APC: variants seen among roughly 807,000 people sequenced by gnomAD.
APC encodes the protein adenomatous polyposis coli protein.
Under a neutral mutation model 247.0 loss-of-function variants are expected in APC, and 72 were observed. The observed-to-expected ratio is 0.29, with a 90% CI of 0.24 to 0.35. APC has a LOEUF of 0.35. Among genes scored for constraint, APC ranks in the 10% least tolerant of loss-of-function variants. The pLI, the probability that APC is intolerant of heterozygous loss-of-function variation, is 1.00. For missense variants in APC, 3,400 were observed against 3,360.7 expected (o/e 1.01, Z -0.29); for synonymous variants, 1,254 against 1,162.5 (o/e 1.08, Z -1.60).
chr5:112,732,513 A>G lies in APC; in HGVS notation c.165+24631A>G, dbSNP rs541231235. 3.9e-5 allele frequency among the ~76,000 whole-genome samples: 6 copies of G among 152,366 alleles called. No individual in the cohort carries two copies. In the South Asian group the frequency reaches 1.2e-3, roughly 32 times the overall value. On this transcript the variant is annotated intron_variant, in intron 1 of 13. Coordinates refer to the APC transcript ENST00000507379. Reference sequence around the variant, plus strand: ...TCCTCAGTAGAAGGTTATATTTTACAATAATATTATTTAACAATTGCTCTA... The same window carrying G: ...TCCTCAGTAGAAGGTTATATTTTACGATAATATTATTTAACAATTGCTCTA...
At chr5:112,720,806 T>C (rs576626030) in intron 1 of APC, among the ~76,000 whole-genome samples, 11 of 152,290 alleles carry the variant, frequency 7.2e-5, no homozygotes, top group Admixed American at 2.0e-4. Flanking sequence ...CAGCTAGCTT[T>C]GTTAGCTGGT....
intron 9 of APC, among the ~76,000 whole-genome samples, chr5:112,817,283 C>T (rs1199060432): frequency 6.6e-6 from 1 of 152,176 alleles, no homozygotes; most frequent in Non-Finnish European, 1.5e-5. Flanking sequence ...TCTGTATACT[C>T]TTTCTTTACT....
chr5:112,740,253 TATTA>T (rs1158658561), intron 1 of APC, among the ~76,000 whole-genome samples: 1 of 152,172 alleles, frequency 6.6e-6, no homozygotes, highest in Non-Finnish European at 1.5e-5. Flanking sequence ...AAGATCGTCT[TATTA>T]ATCATATGAA....
At chr5:112,804,852 G>A (rs990935116) in intron 8 of APC, among the ~76,000 whole-genome samples, 6 of 152,136 alleles carry the variant, frequency 3.9e-5, no homozygotes, top group East Asian at 1.9e-4. Flanking sequence ...AAAATTAGCC[G>A]TGTGTGGTAG....
chr5:112,757,446 A>C (rs1755111191), intron 2 of APC, among the ~76,000 whole-genome samples: 1 of 152,062 alleles, frequency 6.6e-6, no homozygotes, highest in Admixed American at 6.6e-5. Context: ...AAAAAAGGCA[A>C]AAGGAGGCTG....
intron 9 of APC, among the ~76,000 whole-genome samples, chr5:112,818,038 A>G (rs1762685533): frequency 6.6e-6 from 1 of 152,196 alleles, no homozygotes; most frequent in African/African-American, 2.4e-5. Flanking sequence ...AATGTATAGT[A>G]ACGTCCCTGG....
chr5:112,708,555 A>T (rs1245516328), intron 1 of APC, among the ~76,000 whole-genome samples: 1 of 152,188 alleles, frequency 6.6e-6, no homozygotes, highest in African/African-American at 2.4e-5. Context: ...AAACTGTTAT[A>T]TTCGTTTTAA....
At chr5:112,793,050 T>C (rs1229289099) in intron 7 of APC, among the ~76,000 whole-genome samples, 1 of 151,968 alleles carries the variant, frequency 6.6e-6, no homozygotes, top group African/African-American at 2.4e-5. Context: ...TGAAAAGTCA[T>C]GAAGCAACTA....
At chr5:112,712,993 A>G (rs1750944878) in intron 1 of APC, among the ~76,000 whole-genome samples, 1 of 152,112 alleles carries the variant, frequency 6.6e-6, no homozygotes, top group Admixed American at 6.5e-5. Flanking sequence ...TAACATAGTG[A>G]AACCCCATCT....
chr5:112,740,233 C>T (rs530531688), intron 1 of APC, among the ~76,000 whole-genome samples: 4 of 152,218 alleles, frequency 2.6e-5, no homozygotes, highest in East Asian at 3.9e-4. Flanking sequence ...CATTCATAAA[C>T]GACTTTTTAA....
intron 4 of APC, among the ~76,000 whole-genome samples, chr5:112,774,633 GT>G (rs1373759222): frequency 6.6e-6 from 1 of 151,440 alleles, no homozygotes; most frequent in African/African-American, 2.4e-5. Flanking sequence ...GCTAGTTTTT[GT>G]ATTTTTTTGT....
intron 9 of APC, 119 bp from the exon 10 acceptor site, chr5:112,818,847 C>CTG: frequency 1.5e-6 from 1 of 683,728 alleles, no homozygotes; most frequent in East Asian, 3.8e-5. Context: ...TTTTTTTTGG[C>CTG]GGGGGGGGTT....
Position 112,842,068 on chromosome 5 carries a change from C to T in APC, c.6474C>T (p.Pro2158=), listed in dbSNP as rs772027192. 1.9e-6 allele frequency: 3 copies of T among 1,612,310 alleles called. No homozygotes were observed. In the African/African-American group the frequency reaches 4.0e-5, roughly 22 times the overall value. Residue 2158 remains proline, a synonymous_variant, in exon 16 of 16, where the codon CCC becomes CCT. Transcript: ENST00000257430. ...TTACACCTGATCAAGAAGAAAAACC[C>T]TTTACAAGTAATAAAGGCCCACGAA... is the stretch of plus-strand genomic sequence containing the variant. ...FHLTPDQEEK[P]FTSNKGPRIL...
At chr5:112,758,764 C>T (rs1303703196) in intron 2 of APC, among the ~76,000 whole-genome samples, 2 of 151,924 alleles carry the variant, frequency 1.3e-5, no homozygotes, top group African/African-American at 4.8e-5. Context: ...CCGCCACGCC[C>T]GGCTAATTTT....
At chr5:112,742,999 C>A (rs1753220358) in intron 1 of APC, among the ~76,000 whole-genome samples, 1 of 152,164 alleles carries the variant, frequency 6.6e-6, no homozygotes, top group African/African-American at 2.4e-5. Flanking sequence ...ATCTTGCAGT[C>A]CTGGAGATCA....
chr5:112,751,509 C>G (rs1754364259), intron 1 of APC, among the ~76,000 whole-genome samples: 1 of 151,952 alleles, frequency 6.6e-6, no homozygotes, highest in Non-Finnish European at 1.5e-5. Flanking sequence ...GTCTACTTTT[C>G]TATCTTTCTC....
At chr5:112,768,023 G>T (rs1756555793) in intron 4 of APC, among the ~76,000 whole-genome samples, 2 of 151,578 alleles carry the variant, frequency 1.3e-5, no homozygotes, top group South Asian at 4.2e-4. Context: ...ACTAGCCTGG[G>T]TGACATAGTA....
chr5:112,712,539 G>A (rs1434867401), intron 1 of APC, among the ~76,000 whole-genome samples: 1 of 150,500 alleles, frequency 6.6e-6, no homozygotes, highest in Non-Finnish European at 1.5e-5. Flanking sequence ...GACTACAGGT[G>A]TGCATCACCA....
At chr5:112,765,400 C>T (rs546928938) in intron 2 of APC, among the ~76,000 whole-genome samples, 20 of 152,290 alleles carry the variant, frequency 1.3e-4, no homozygotes, top group Non-Finnish European at 2.9e-4. Flanking sequence ...AGGCATGAGC[C>T]ACCATGAATG....
Sources: gnomAD v4.1 joint callset for allele counts (sites outside exome capture counted in the v4.1 genomes callset) on GRCh38, gnomAD v4.1.1 for gene constraint, MANE v1.5 for transcripts, NCBI Gene and HGNC (gene_info 2026-07-23, HGNC 2026-07-21) for gene names.